TGFA: variants seen among roughly 807,000 people sequenced by gnomAD.
TGFA encodes the protein protransforming growth factor alpha.
Under a neutral mutation model 21.7 loss-of-function variants are expected in TGFA, and 12 were observed. The ratio of observed to expected loss-of-function variants is 0.55; its 90% CI spans 0.35 to 0.90. The LOEUF is 0.90. Ranked by LOEUF, TGFA falls within the 40% of genes least tolerant of loss-of-function variation. TGFA has a pLI of 0.01. For synonymous variants in TGFA, 79 were observed against 88.1 expected (o/e 0.90, Z 0.58); for missense variants, 178 against 210.8 (o/e 0.84, Z 0.96).
intron 1 of TGFA, among the ~76,000 whole-genome samples, chr2:70,552,784 T>C (rs1429951809): frequency 6.6e-6 from 1 of 152,118 alleles, no homozygotes; most frequent in Non-Finnish European, 1.5e-5. Flanking sequence ...GCTATACGGG[T>C]TAAACTCGGG....
At chr2:70,455,844 T>C (rs1670211233) in intron 4 of TGFA, among the ~76,000 whole-genome samples, 1 of 152,140 alleles carries the variant, frequency 6.6e-6, no homozygotes, top group Admixed American at 6.5e-5. Flanking sequence ...AACTGAGTTT[T>C]GGAGGATGAG....
At position 70,532,871 on chromosome 2, in the gene TGFA, T is replaced by C. The variant is rs1485100604; in HGVS notation, c.41-17959A>G. Among the ~76,000 whole-genome samples the C allele has an allele frequency of 3.1e-4, 47 of 151,920 alleles. No individual in the cohort carries two copies. In the East Asian group the frequency reaches 4.8e-3, roughly 16 times the overall value. ...GCAAGTGTATATTCTTTTTCTTTTT[T>C]TTTTTTTTTAACAGGGCCTCACTCT... is the stretch of plus-strand genomic sequence containing the variant. On this transcript the variant is annotated intron_variant, in intron 1 of 5. Transcript: ENST00000295400.
chr2:70,519,201 C>T (rs1412573427), intron 1 of TGFA, among the ~76,000 whole-genome samples: 4 of 152,068 alleles, frequency 2.6e-5, no homozygotes, highest in African/African-American at 9.7e-5. Context: ...TTAGACCTGG[C>T]AGGTCCTAAG....
rs1553501396 is a variant in TGFA at position 70,514,882 on chromosome 2, T to G, written c.71A>C (p.Glu24Ala). 6.2e-7 allele frequency: 1 copy of G among 1,614,024 alleles called. No individual in the cohort carries two copies. The highest frequency in any genetic ancestry group is 8.5e-7 in the Non-Finnish European group (1 of 1,180,000). The change falls in exon 2 of 6, where the codon GAG becomes GCG. Residue 24 changes from glutamate (E) to alanine (A), a missense_variant. Glu to Ala is a moderately radical substitution (Grantham distance 107). Coordinates refer to ENST00000295400, the MANE Select transcript of TGFA (RefSeq NM_003236.4). ...ACCACTCAGCGGGGACGTGCTGTTC[T>G]CCAAGGCCTGGCACGCAGCCAACAC... The part of the protein sequence containing the change: ...GIVLAACQAL[E>A]NSTSPLSADP...
Position 70,462,723 on chromosome 2 carries a change from T to C in TGFA, c.215+2893A>G, listed in dbSNP as rs181205158. Among the ~76,000 whole-genome samples, 289 of 152,240 alleles carry C rather than the reference T, an allele frequency of 1.9e-3. 1 individual carries two copies. The highest frequency in any genetic ancestry group is 6.5e-3 in the African/African-American group (270 of 41,546). On this transcript the variant is annotated intron_variant, in intron 3 of 5. Transcript: ENST00000295400. ...CAGCGTGGCTCACTATGTGTTGCCA[T>C]GTAAAGCATTTCTGCAGACTGAATA... is the stretch of plus-strand genomic sequence containing the variant.
At chr2:70,519,725 TG>T (rs1420348461) in intron 1 of TGFA, among the ~76,000 whole-genome samples, 1 of 152,262 alleles carries the variant, frequency 6.6e-6, no homozygotes, top group Non-Finnish European at 1.5e-5. Context: ...CAGCATTACC[TG>T]AAAGCTCATA....
At chr2:70,489,769 G>A (rs1167740217) in intron 2 of TGFA, among the ~76,000 whole-genome samples, 1 of 152,152 alleles carries the variant, frequency 6.6e-6, no homozygotes, top group Non-Finnish European at 1.5e-5. Flanking sequence ...TCAAAATGTG[G>A]TCCACAGACA....
intron 1 of TGFA, among the ~76,000 whole-genome samples, chr2:70,541,896 A>G (rs1673141491): frequency 6.6e-6 from 1 of 152,200 alleles, no homozygotes; most frequent in Non-Finnish European, 1.5e-5. Context: ...TGCAAAAAAC[A>G]TCTGTCATTG....
chr2:70,503,750 T>C (rs1671813470), intron 2 of TGFA, among the ~76,000 whole-genome samples: 1 of 152,248 alleles, frequency 6.6e-6, no homozygotes, highest in African/African-American at 2.4e-5. Context: ...TAAAAAGGCA[T>C]GATTTCCTCA....
chr2:70,508,315 G>A (rs1559126140), intron 2 of TGFA, among the ~76,000 whole-genome samples: 1 of 152,100 alleles, frequency 6.6e-6, no homozygotes. Context: ...CGTGGTAGCC[G>A]GTGCCTGTAA....
chr2:70,460,788 T>C (rs1437170400), intron 3 of TGFA, among the ~76,000 whole-genome samples: 1 of 152,130 alleles, frequency 6.6e-6, no homozygotes, highest in African/African-American at 2.4e-5. Context: ...GCGGCCACAA[T>C]AGCAAACACT....
chr2:70,528,379 C>T lies in TGFA; in HGVS notation c.41-13467G>A, dbSNP rs562938947. 5.5e-3 allele frequency among the ~76,000 whole-genome samples: 837 copies of T among 152,166 alleles called. 11 individuals are homozygous for T. Among genetic ancestry groups the T allele is most frequent in the African/African-American group, 0.019 (797 of 41,522 alleles). ...CAGTAGCTGATCTCGCCGGGCTGGG[C>T]TGCCCTGTACCCCAAGCCTCACTCT... is the stretch of plus-strand genomic sequence containing the variant. On this transcript the variant is annotated intron_variant, in intron 1 of 5. Coordinates refer to ENST00000295400, the MANE Select transcript of TGFA (RefSeq NM_003236.4).
chr2:70,453,786 C>A (rs981592534), intron 4 of TGFA, among the ~76,000 whole-genome samples: 7 of 152,126 alleles, frequency 4.6e-5, no homozygotes, highest in Admixed American at 3.3e-4. Context: ...AGTAGCAGAA[C>A]AAGGAACTTG....
chr2:70,522,641 G>T (rs1672506765), intron 1 of TGFA, among the ~76,000 whole-genome samples: 2 of 152,026 alleles, frequency 1.3e-5, no homozygotes, highest in South Asian at 4.1e-4. Context: ...CACCATGTTG[G>T]CCAGGCTGGT....
At chr2:70,534,877 C>T (rs1672925356) in intron 1 of TGFA, among the ~76,000 whole-genome samples, 2 of 152,162 alleles carry the variant, frequency 1.3e-5, no homozygotes, top group South Asian at 2.1e-4. Flanking sequence ...CAACTCCAGG[C>T]ACCTCAGCAT....
At chr2:70,531,188 T>G (rs782249322) in intron 1 of TGFA, among the ~76,000 whole-genome samples, 3 of 152,242 alleles carry the variant, frequency 2.0e-5, no homozygotes, top group Non-Finnish European at 4.4e-5. Flanking sequence ...GGGCCCAAAG[T>G]TGACAGACCT....
chr2:70,515,193 T>A (rs1672234359), intron 1 of TGFA, among the ~76,000 whole-genome samples: 1 of 152,234 alleles, frequency 6.6e-6, no homozygotes, highest in Non-Finnish European at 1.5e-5. Flanking sequence ...GGTTTTGGCC[T>A]TTGTTTTTTC....
At chr2:70,507,365 T>C (rs1377710363) in intron 2 of TGFA, among the ~76,000 whole-genome samples, 4 of 152,250 alleles carry the variant, frequency 2.6e-5, no homozygotes, top group African/African-American at 9.6e-5. Context: ...CTATATGCCC[T>C]GTATTTTTGC....
chr2:70,530,632 T>C (rs1672788468), intron 1 of TGFA, among the ~76,000 whole-genome samples: 1 of 152,138 alleles, frequency 6.6e-6, no homozygotes, highest in African/African-American at 2.4e-5. Context: ...TAACCCCAGG[T>C]TTACTTATAA....
Sources: gnomAD v4.1 joint callset for allele counts (sites outside exome capture counted in the v4.1 genomes callset) on GRCh38, gnomAD v4.1.1 for gene constraint, MANE v1.5 for transcripts, NCBI Gene and HGNC (gene_info 2026-07-23, HGNC 2026-07-21) for gene names.